The following DLG2 variants were observed in gnomAD, a reference collection of about 807,000 sequenced individuals.
DLG2 encodes the protein disks large homolog 2.
In DLG2, 45 loss-of-function variants were observed where a neutral mutation model predicts 132.5. That is an observed-to-expected ratio of 0.34 (90% CI 0.27 to 0.44). DLG2 has a LOEUF of 0.44. DLG2 is among the 20% of genes least tolerant of loss of function. The pLI is 1.00. For synonymous variants in DLG2, 424 were observed against 419.6 expected, an observed-to-expected ratio of 1.01 and a Z score of -0.13; for missense variants, 1,045 against 1,196.9, an observed-to-expected ratio of 0.87 and a Z score of 1.87.
chr11:83,671,591 A>G (rs923461077), intron 18 of DLG2, among the ~76,000 whole-genome samples: 7 of 152,344 alleles, frequency 4.6e-5, no homozygotes, highest in African/African-American at 1.4e-4. Context: ...GAAAGACCCA[A>G]CTGGTGGGGA....
At chr11:84,824,298 A>G (rs2078063227) in intron 6 of DLG2, among the ~76,000 whole-genome samples, 1 of 151,954 alleles carries the variant, frequency 6.6e-6, no homozygotes, top group Non-Finnish European at 1.5e-5. Flanking sequence ...TGGAGGATTC[A>G]GAGGATTTGA....
intron 9 of DLG2, among the ~76,000 whole-genome samples, chr11:84,107,653 T>C (rs1350938431): frequency 6.6e-6 from 1 of 152,118 alleles, no homozygotes; most frequent in African/African-American, 2.4e-5. Context: ...TACTTCGCCC[T>C]CTGAGATAAG....
intron 7 of DLG2, among the ~76,000 whole-genome samples, chr11:84,474,482 G>C (rs1240102135): frequency 6.6e-6 from 1 of 152,022 alleles, no homozygotes; most frequent in Admixed American, 6.6e-5. Flanking sequence ...CCCCAGGGCT[G>C]TTTTCTGGCA....
chr11:84,543,243 C>T (rs2099382269), intron 6 of DLG2, among the ~76,000 whole-genome samples: 1 of 151,996 alleles, frequency 6.6e-6, no homozygotes, highest in Admixed American at 6.6e-5. Flanking sequence ...ATATAGGTTG[C>T]AAATCTGGGG....
chr11:83,994,193 A>T (rs1360275686), intron 11 of DLG2, among the ~76,000 whole-genome samples: 3 of 152,150 alleles, frequency 2.0e-5, no homozygotes, highest in Admixed American at 6.6e-5. Context: ...TATTTAGAAC[A>T]TTTAACAGCT....
rs191127583 is a variant in DLG2, at chr11:84,030,921, G to A, written c.919+28394C>T. 6.0e-4 allele frequency among the ~76,000 whole-genome samples: 91 copies of A among 152,224 alleles called. 1 individual carries two copies. Among genetic ancestry groups the A allele is most frequent in the African/African-American group, 2.0e-3 (82 of 41,564 alleles). ...GATGACTGCCTGAATCTCAATAGAG[G>A]GGTGGACCAGTGGAAGCTCAGGGAC... On this transcript the variant is annotated intron_variant, in intron 11 of 27. Coordinates refer to ENST00000376104, the MANE Select transcript of DLG2 (RefSeq NM_001142699.3).
chr11:85,496,765 C>G (rs977561124), intron 3 of DLG2, among the ~76,000 whole-genome samples: 1 of 152,128 alleles, frequency 6.6e-6, no homozygotes, highest in Non-Finnish European at 1.5e-5. Context: ...CAACCTCCAC[C>G]AGTGATACCC....
intron 15 of DLG2, among the ~76,000 whole-genome samples, chr11:83,876,855 A>T (rs1452002285): frequency 6.6e-6 from 1 of 152,106 alleles, no homozygotes; most frequent in Non-Finnish European, 1.5e-5. Flanking sequence ...ACATTTAAGC[A>T]TTTCTAATAT....
intron 11 of DLG2, among the ~76,000 whole-genome samples, chr11:83,999,883 A>T (rs1213536072): frequency 2.6e-5 from 4 of 152,264 alleles, no homozygotes; most frequent in African/African-American, 9.6e-5. Context: ...CCCCTACAAA[A>T]GCAAATTAAA....
intron 6 of DLG2, among the ~76,000 whole-genome samples, chr11:84,569,693 C>T (rs1351066200): frequency 1.3e-5 from 2 of 152,094 alleles, no homozygotes; most frequent in East Asian, 1.9e-4. Context: ...GGTTATATTG[C>T]TCAGTTAGTA....
intron 17 of DLG2, among the ~76,000 whole-genome samples, chr11:83,818,763 A>C (rs1389805538): frequency 2.6e-5 from 4 of 152,178 alleles, no homozygotes; most frequent in African/African-American, 9.6e-5. Flanking sequence ...TCTGACAAGC[A>C]AGCAAAAATT....
In DLG2 at chr11:84,869,351, T is replaced by A. The variant is rs546585708; in HGVS notation, c.357+242310A>T. Among the ~76,000 whole-genome samples the A allele has an allele frequency of 5.1e-4, 78 of 152,308 alleles. 1 individual carries two copies. The Middle Eastern group carries it at 0.01, about 20-fold the overall frequency. ...AGGCGGTACCTAATGGATAGCTGGATTCAATGGCTGAGCCTTTTACTGCCT... is the reference window on the plus strand; with the variant it reads ...AGGCGGTACCTAATGGATAGCTGGAATCAATGGCTGAGCCTTTTACTGCCT... On this transcript the variant is annotated intron_variant, in intron 6 of 27. Transcript: ENST00000376104.
chr11:83,690,242 A>T (rs2080739600), intron 18 of DLG2, among the ~76,000 whole-genome samples: 2 of 150,972 alleles, frequency 1.3e-5, no homozygotes, highest in African/African-American at 2.4e-5. Context: ...GACAGAAAAG[A>T]CCTAATCTCA....
chr11:83,755,491 A>T (rs1207500313), intron 18 of DLG2, among the ~76,000 whole-genome samples: 4 of 151,364 alleles, frequency 2.6e-5, no homozygotes, highest in African/African-American at 9.8e-5. Flanking sequence ...ATTTAAGTTC[A>T]TTAACAAAGG....
chr11:84,738,678 T>C (rs1013064820), intron 6 of DLG2, among the ~76,000 whole-genome samples: 7 of 152,112 alleles, frequency 4.6e-5, no homozygotes, highest in African/African-American at 7.2e-5. Flanking sequence ...ACATTGCTGG[T>C]GGGAATGTAA....
At chr11:84,458,484 T>C (rs1010821249) in intron 7 of DLG2, among the ~76,000 whole-genome samples, 3 of 150,968 alleles carry the variant, frequency 2.0e-5, no homozygotes, top group East Asian at 3.9e-4. Flanking sequence ...CAGTACCCAT[T>C]GGTATTTTAT....
At chr11:84,183,132 T>C (rs1684533517) in intron 8 of DLG2, among the ~76,000 whole-genome samples, 1 of 152,174 alleles carries the variant, frequency 6.6e-6, no homozygotes, top group African/African-American at 2.4e-5. Context: ...CAGGCCCAGA[T>C]GGGTTCAAAG....
At chr11:84,917,831 C>T (rs1379716508) in intron 6 of DLG2, among the ~76,000 whole-genome samples, 1 of 152,060 alleles carries the variant, frequency 6.6e-6, no homozygotes, top group Non-Finnish European at 1.5e-5. Context: ...AAATGGCTCA[C>T]AACCATTTGG....
intron 18 of DLG2, among the ~76,000 whole-genome samples, chr11:83,724,327 C>G (rs1305189319): frequency 6.6e-6 from 1 of 152,182 alleles, no homozygotes. Flanking sequence ...GAAGCACGCT[C>G]TCTGGTTTCT....
Sources: allele counts gnomAD v4.1 joint callset (sites outside exome capture counted in the v4.1 genomes callset), GRCh38; gene constraint gnomAD v4.1.1; transcripts MANE v1.5; gene names NCBI Gene and HGNC (gene_info 2026-07-23, HGNC 2026-07-21).